The following ATP11C variants were observed in gnomAD, a reference collection of about 807,000 sequenced individuals.
ATP11C encodes phospholipid-transporting ATPase IG.
ATP11C carries 36 observed loss-of-function variants against 97.4 expected under a neutral mutation model. The ratio of observed to expected loss-of-function variants is 0.37; its 90% CI spans 0.28 to 0.49. ATP11C has a LOEUF of 0.49. Among genes scored for constraint, ATP11C ranks in the 20% least tolerant of loss-of-function variants. ATP11C has a pLI of 0.98. For missense variants in ATP11C, 730 were observed against 824.6 expected (o/e 0.89, Z 1.40); for synonymous variants, 275 against 290.9 (o/e 0.95, Z 0.56).
intron 1 of ATP11C, among the ~76,000 whole-genome samples, chrX:139,843,368 C>T (rs780556733): frequency 9.0e-6 from 1 of 111,668 alleles, no homozygotes; most frequent in East Asian, 2.8e-4. Flanking sequence ...AGGCCTAGCC[C>T]CAAAATCAGA....
intron 1 of ATP11C, among the ~76,000 whole-genome samples, chrX:139,829,021 A>C (rs2083589367): frequency 8.9e-6 from 1 of 112,291 alleles, no homozygotes; most frequent in Non-Finnish European, 1.9e-5. Flanking sequence ...TTTCTGAATA[A>C]GGCCTAAGTG....
intron 1 of ATP11C, among the ~76,000 whole-genome samples, chrX:139,887,926 G>A (rs1358644740): frequency 1.0e-5 from 1 of 98,071 alleles, no homozygotes; most frequent in Non-Finnish European, 2.0e-5. Flanking sequence ...AGCCGAGATC[G>A]CACCACTGCA....
At chrX:139,920,870 G>A (rs2148167457) in intron 1 of ATP11C, among the ~76,000 whole-genome samples, 1 of 111,855 alleles carries the variant, frequency 8.9e-6, no homozygotes, top group African/African-American at 3.2e-5. Context: ...CAATTGCAAA[G>A]GTCCAGGTAA....
At chrX:139,934,501 A>G (rs1232402746), upstream of ATP11C, among the ~76,000 whole-genome samples, 3 of 109,729 alleles carry the variant, frequency 2.7e-5, no homozygotes, top group Admixed American at 9.7e-5. Flanking sequence ...TTTGCTCTCT[A>G]CTGCTTTAAA....
Position 139,741,031 on chromosome X carries a change from A to G in ATP11C, c.3094T>C (p.Phe1032Leu). Residue 1032 changes from phenylalanine (F) to leucine (L), a missense_variant, in exon 27 of 30, where the codon TTC (phenylalanine) becomes CTC (leucine). Transcript: ENST00000682941. ...CAGAAGAATGAGAAAAATACATAGAAGGCTAAAGAACCCCAAATCACAAAG... is the reference window on the plus strand; with the variant it reads ...CAGAAGAATGAGAAAAATACATAGAGGGCTAAAGAACCCCAAATCACAAAG... ...NHFVIWGSLA[F>L]YVFFSFFWGG... The G allele has an allele frequency of 8.3e-7, 1 of 1,207,443 alleles. No individual in the cohort carries two copies. The highest frequency in any genetic ancestry group is 1.1e-6 in the Non-Finnish European group (1 of 891,926).
At chrX:139,815,069 ACAC>A (rs2083257791) in intron 4 of ATP11C, 84 bp from the exon 5 acceptor site, 4 of 493,233 alleles carry the variant, frequency 8.1e-6, no homozygotes, top group Middle Eastern at 6.1e-4. Flanking sequence ...CCATGAGTCA[ACAC>A]CAAATATTTA....
At chrX:139,742,690 G>C (rs950232042) in intron 26 of ATP11C, among the ~76,000 whole-genome samples, 7 of 109,725 alleles carry the variant, frequency 6.4e-5, no homozygotes, top group African/African-American at 2.3e-4. Context: ...GTAGCATTCA[G>C]TGAGGCTTCA....
At chrX:139,737,441 A>G (rs1434868551) in intron 28 of ATP11C, among the ~76,000 whole-genome samples, 1 of 110,894 alleles carries the variant, frequency 9.0e-6, no homozygotes, top group Non-Finnish European at 1.9e-5. Context: ...ACTGCTGGAC[A>G]GACAGGGCTA....
At chrX:139,873,980 G>T (rs1416720300) in intron 1 of ATP11C, among the ~76,000 whole-genome samples, 1 of 108,329 alleles carries the variant, frequency 9.2e-6, no homozygotes, top group African/African-American at 3.4e-5. Flanking sequence ...ATGTAATTTG[G>T]GCAACTCATT....
rs1207639160 is a variant in ATP11C at position 139,763,307 on chromosome X, G to A, written c.2494+9C>T. 3.4e-6 allele frequency: 4 copies of A among 1,170,773 alleles called. No homozygotes were observed. The highest frequency in any genetic ancestry group is 4.7e-6 in the Non-Finnish European group (4 of 859,575). On this transcript the variant is annotated intron_variant, in intron 21 of 29. Transcript: ENST00000682941. ...TTTCACAGCTGCCATCTCATTAGAT[G>A]TATCTTACCTATTCCCACATGGGAT...
chrX:139,898,318 G>A (rs2084843288), intron 1 of ATP11C, among the ~76,000 whole-genome samples: 1 of 111,639 alleles, frequency 9.0e-6, no homozygotes, highest in Non-Finnish European at 1.9e-5. Flanking sequence ...ATTAAGAAAG[G>A]AATTAGGAAG....
In ATP11C at chrX:139,837,999, T is replaced by A. The variant is rs1283576717; in HGVS notation, c.28-11176A>T. Among the ~76,000 whole-genome samples the A allele has an allele frequency of 9.8e-5, 11 of 112,271 alleles. 1 individual carries two copies. The highest frequency in any genetic ancestry group is 4.7e-4 in the Admixed American group (5 of 10,566). On this transcript the variant is annotated intron_variant, in intron 1 of 29. Coordinates refer to ENST00000682941, the MANE Select transcript of ATP11C (RefSeq NM_001353812.2). ...TGCCTATGATGAGAACGTTCAGCTA[T>A]AAGACTACATGGGGCTTCCTCATAA...
intron 1 of ATP11C, among the ~76,000 whole-genome samples, chrX:139,901,327 T>C (rs753932784): frequency 5.4e-5 from 6 of 111,989 alleles, no homozygotes; most frequent in Non-Finnish European, 1.1e-4. Context: ...TCCCTTGAAG[T>C]GGCCACCTGG....
At chrX:139,830,492 G>C (rs190387564) in intron 1 of ATP11C, among the ~76,000 whole-genome samples, 22 of 111,803 alleles carry the variant, frequency 2.0e-4, no homozygotes, top group African/African-American at 6.8e-4. Context: ...AATTTATTTT[G>C]CATGTGGTTA....
At chrX:139,863,070 G>C (rs1410378017) in intron 1 of ATP11C, among the ~76,000 whole-genome samples, 1 of 111,009 alleles carries the variant, frequency 9.0e-6, no homozygotes, top group African/African-American at 3.3e-5. Context: ...AGTTTTGTTG[G>C]TAATAAAGTT....
intron 1 of ATP11C, among the ~76,000 whole-genome samples, chrX:139,856,240 C>T (rs1351238147): frequency 2.7e-5 from 3 of 112,380 alleles, no homozygotes; most frequent in African/African-American, 6.5e-5. Context: ...AGTAATAAGT[C>T]GTGCCAAGCT....
chrX:139,848,950 T>C (rs1422949241), intron 1 of ATP11C, among the ~76,000 whole-genome samples: 1 of 112,038 alleles, frequency 8.9e-6, no homozygotes, highest in African/African-American at 3.2e-5. Flanking sequence ...CATTACAAAT[T>C]CTTCAGTGCT....
intron 1 of ATP11C, among the ~76,000 whole-genome samples, chrX:139,913,195 A>T (rs1216773481): frequency 1.8e-5 from 2 of 112,130 alleles, no homozygotes; most frequent in African/African-American, 3.2e-5. Flanking sequence ...CTTTTGAAAA[A>T]TAATGGCAGG....
intron 11 of ATP11C, 49 bp from the exon 12 acceptor site, chrX:139,796,519 G>GC: frequency 1.2e-5 from 10 of 811,385 alleles, no homozygotes; most frequent in Non-Finnish European, 1.8e-5. Context: ...AATTTCATCA[G>GC]ACCAATATAA....
Sources: allele counts gnomAD v4.1 joint callset (sites outside exome capture counted in the v4.1 genomes callset), GRCh38; gene constraint gnomAD v4.1.1; transcripts MANE v1.5; gene names NCBI Gene and HGNC (gene_info 2026-07-23, HGNC 2026-07-21).